RASAL3: variants seen among roughly 807,000 people sequenced by gnomAD.
RASAL3 encodes RAS protein activator like-3.
A neutral mutation model predicts 105.5 loss-of-function variants in RASAL3; 74 were observed. The observed-to-expected ratio is 0.70, with a 90% CI of 0.58 to 0.85. RASAL3 has a LOEUF of 0.85. Ranked by LOEUF, RASAL3 falls within the 40% of genes least tolerant of loss-of-function variation. The pLI is 0.00. For missense variants in RASAL3, 1,352 were observed against 1,392.0 expected, an observed-to-expected ratio of 0.97 and a Z score of 0.46; for synonymous variants, 579 against 591.6, an observed-to-expected ratio of 0.98 and a Z score of 0.31.
Position 15,456,492 on chromosome 19 carries a change from C to A in RASAL3, c.1576+10G>T, listed in dbSNP as rs770495586. On this transcript the variant is annotated intron_variant, in intron 10 of 17. Coordinates refer to ENST00000343625, the MANE Select transcript of RASAL3 (RefSeq NM_022904.3). This position sits in a 1 kb window ranked among gnomAD's most constrained non-coding sequence, Gnocchi z 4.4. ...AGCAGGCCGCTGACATGGACTCTCCCCCAGCTCACCCAGGGTCTCCTGGAG... is the reference window on the plus strand; with the variant it reads ...AGCAGGCCGCTGACATGGACTCTCCACCAGCTCACCCAGGGTCTCCTGGAG... 3 of 1,613,372 alleles carry A rather than the reference C, an allele frequency of 1.9e-6. No individual in the cohort carries two copies. Among genetic ancestry groups the A allele is most frequent in the South Asian group, 1.1e-5 (1 of 90,958 alleles).
At chr19:15,455,956 G>C (rs897507833) in intron 11 of RASAL3, 148 bp downstream of exon 11, 2 of 921,102 alleles carry the variant, frequency 2.2e-6, no homozygotes, top group Non-Finnish European at 3.2e-6. Context: ...TGGTTCAAAT[G>C]AGTAATTTTT....
At position 15,460,219 on chromosome 19, in the gene RASAL3, A is replaced by G. The variant is rs766209977; in HGVS notation, c.646T>C (p.Leu216=). 10 of 1,608,316 alleles carry G rather than the reference A, an allele frequency of 6.2e-6. 1 individual carries two copies. The Admixed American group carries it at 1.0e-4, about 16-fold the overall frequency. Residue 216 remains leucine, a synonymous_variant, in exon 6 of 18, where the codon TTG becomes CTG. Transcript: ENST00000343625. ...KRLKEKKKAR[L]EPRDGPPSAL... ...CACCCTTACCCATCCCGGGGCTCCA[A>G]CCTGGCCTTTTTCTTCTCTTTCAGC...
chr19:15,458,265 T>C (rs1970391971), intron 8 of RASAL3, 63 bp downstream of exon 8: 1 of 1,489,806 alleles, frequency 6.7e-7, no homozygotes, highest in South Asian at 1.2e-5. Context: ...TTGGGTAGAG[T>C]GGAAGGGGCG....
Position 15,464,353 on chromosome 19 carries a change from G to A in RASAL3, c.6C>T (p.Asp2=). The A allele has an allele frequency of 2.6e-6, 4 of 1,560,982 alleles. No homozygotes were observed. The highest frequency in any genetic ancestry group is 3.5e-6 in the Non-Finnish European group (4 of 1,153,764). The change falls in exon 2 of 18, where the codon GAC becomes GAT. Residue 2 remains aspartate, a synonymous_variant. Coordinates refer to ENST00000343625, the MANE Select transcript of RASAL3 (RefSeq NM_022904.3). M[D]PPSPSRTSQT... ...GGGAGGTCCGGCTTGGCGACGGTGG[G>A]TCCATGGTTGGGGGGGGGGGTCTCC...
In RASAL3 at chr19:15,456,121, G is replaced by T. The variant is rs967394057; in HGVS notation, c.1704C>A (p.Thr568=). Residue 568 remains threonine (T), a synonymous_variant, in exon 11 of 18, where the codon ACC becomes ACA. Transcript: ENST00000343625. The surrounding 1 kb of genome is among the most constrained non-coding windows in gnomAD (Gnocchi z 4.4). ...ATTCTCACTCGTAGGAATGGATAAT[G>T]GTTTCGAAGACCTCCTCGCAGCTGT... ...LRNSCEEVFE[T]IIHSYDWFPA... 6.2e-7 allele frequency: 1 copy of T among 1,613,784 alleles called. No individual in the cohort carries two copies. Among genetic ancestry groups the T allele is most frequent in the African/African-American group, 1.3e-5 (1 of 75,014 alleles).
At chr19:15,462,727 C>T (rs985718217) in intron 2 of RASAL3, among the ~76,000 whole-genome samples, 3 of 152,020 alleles carry the variant, frequency 2.0e-5, no homozygotes, top group East Asian at 1.9e-4. Flanking sequence ...CTGAGGCGGG[C>T]GGATCATGAG....
chr19:15,464,018 G>A lies in RASAL3; in HGVS notation c.328+13C>T. Reference sequence around the variant, plus strand: ...CCAGCCCGGCCCAAGCTCAGGGTGGGGGAACCATGTACCTGGGGCCTCCTG... The same window carrying A: ...CCAGCCCGGCCCAAGCTCAGGGTGGAGGAACCATGTACCTGGGGCCTCCTG... On this transcript the variant is annotated intron_variant, in intron 2 of 17. Coordinates refer to ENST00000343625, the MANE Select transcript of RASAL3 (RefSeq NM_022904.3). 4 of 1,534,464 alleles carry A rather than the reference G, an allele frequency of 2.6e-6. No homozygotes were observed. The highest frequency in any genetic ancestry group is 3.5e-6 in the Non-Finnish European group (4 of 1,141,802).
At position 15,456,431 on chromosome 19, in the gene RASAL3, G is replaced by A; in HGVS notation, c.1576+71C>T. 2 of 1,584,260 alleles carry A rather than the reference G, an allele frequency of 1.3e-6. No individual in the cohort carries two copies. The highest frequency in any genetic ancestry group is 8.6e-7 in the Non-Finnish European group (1 of 1,161,874). On this transcript the variant is annotated intron_variant, in intron 10 of 17. Coordinates refer to ENST00000343625, the MANE Select transcript of RASAL3 (RefSeq NM_022904.3). This position sits in a 1 kb window ranked among gnomAD's most constrained non-coding sequence, Gnocchi z 4.4. Reference sequence around the variant, plus strand: ...ACTACCAGAATCCAGGTTGCTCAAGGACTCTTAGAACTTCACCCAGGTCCC... The same window carrying A: ...ACTACCAGAATCCAGGTTGCTCAAGAACTCTTAGAACTTCACCCAGGTCCC...
intron 6 of RASAL3, among the ~76,000 whole-genome samples, chr19:15,459,239 C>CTATTTATTTATTTCTT (rs1970432903): frequency 6.9e-6 from 1 of 144,544 alleles, no homozygotes; most frequent in Non-Finnish European, 1.5e-5. Flanking sequence ...GTGCCCAGCC[C>CTATTTATTTATTTCTT]TATTTATTTA....
Position 15,452,080 on chromosome 19 carries a change from G to T in RASAL3, c.2857C>A (p.Leu953Ile). The T allele has an allele frequency of 1.2e-6, 2 of 1,613,922 alleles. No homozygotes were observed. Among genetic ancestry groups the T allele is most frequent in the Non-Finnish European group, 1.7e-6 (2 of 1,179,858 alleles). Residue 953 changes from leucine (L) to isoleucine (I), a missense_variant, in exon 17 of 18, where the codon CTA (leucine) becomes ATA (isoleucine). Leu to Ile is a conservative substitution (Grantham distance 5). Around this residue, in one of 3 missense-constraint regions of RASAL3, gnomAD observed 920 missense variants for 919.6 expected, o/e 1.00. Transcript: ENST00000343625. ...GSSEFDSEHN[L>I]TSNEGHSLKN... ...AGACTGTGCCCTTCATTGCTTGTTA[G>T]GTTGTGCTCTGAATCAAACTCTGAG...
chr19:15,461,661 G>A, intron 2 of RASAL3, 54 bp from the exon 3 acceptor site: 2 of 1,450,006 alleles, frequency 1.4e-6, no homozygotes, highest in South Asian at 3.1e-5. Flanking sequence ...TCTCCCTCAG[G>A]CTACCCTTTC....
chr19:15,453,054 C>T lies in RASAL3; in HGVS notation c.2670+53G>A, dbSNP rs144989718. 1.7e-4 allele frequency: 271 copies of T among 1,608,016 alleles called. 2 individuals carry two copies. In the African/African-American group the frequency reaches 3.1e-3, roughly 18 times the overall value. ...GACTTGCCTGGCCCTTCAGTCTTCC[C>T]CAGTCGCGTCCCTGTTCCCACTCCC... is the stretch of plus-strand genomic sequence containing the variant. On this transcript the variant is annotated intron_variant, in intron 15 of 17. Coordinates refer to ENST00000343625, the MANE Select transcript of RASAL3 (RefSeq NM_022904.3). The surrounding 1 kb of genome is among the most constrained non-coding windows in gnomAD (Gnocchi z 4.2).
chr19:15,457,608 C>A lies in RASAL3; in HGVS notation c.1115G>T (p.Gly372Val). 1 of 1,355,650 alleles carries A rather than the reference C, an allele frequency of 7.4e-7. No individual in the cohort carries two copies. The highest frequency in any genetic ancestry group is 1.4e-5 in the South Asian group (1 of 70,686). The allele number at this position is 1,355,650 out of a possible 1,614,324, so 84.0% of individuals were successfully genotyped here. The change falls in exon 9 of 18, where the codon GGC (glycine) becomes GTC (valine). Residue 372 changes from glycine to valine, a missense_variant. Gly to Val is a moderately radical substitution (Grantham distance 109). Around this residue, in one of 3 missense-constraint regions of RASAL3, gnomAD observed 920 missense variants for 919.6 expected, o/e 1.00. Transcript: ENST00000343625. This position sits in a 1 kb window ranked among gnomAD's most constrained non-coding sequence, Gnocchi z 8.6. Reference protein sequence around the residue: ...PARRLSLRLRGLGPGSAVLGR... With the variant: ...PARRLSLRLRVLGPGSAVLGR... ...CAGCACCGCGCTTCCCGGGCCCAAG[C>A]CGCGCAGCCGCAGCGACAGGCGACG... is the stretch of plus-strand genomic sequence containing the variant.
At position 15,461,244 on chromosome 19, in the gene RASAL3, A is replaced by G. The variant is rs774472231; in HGVS notation, c.518T>C (p.Val173Ala). The G allele has an allele frequency of 6.2e-7, 1 of 1,613,680 alleles. No individual in the cohort carries two copies. Among genetic ancestry groups the G allele is most frequent in the African/African-American group, 1.3e-5 (1 of 74,848 alleles). ...GSASSEGSIH[V>A]AMGNFRDPDR... ...TGGATCCCTGAAGTTCCCCATGGCC[A>G]CGTGGATGCTGCCCTCGGAGCTAGC... The change falls in exon 4 of 18, where the codon GTG (valine) becomes GCG (alanine). Residue 173 changes from valine (V) to alanine (A), a missense_variant. Coordinates refer to ENST00000343625, the MANE Select transcript of RASAL3 (RefSeq NM_022904.3).
In RASAL3 at chr19:15,464,118, T is replaced by A. The variant is rs1336001968; in HGVS notation, c.241A>T (p.Ser81Cys). Residue 81 changes from serine to cysteine, a missense_variant, in exon 2 of 18, where the codon AGT (serine) becomes TGT (cysteine). Ser to Cys is a moderately radical substitution (Grantham distance 112, BLOSUM62 -1). Coordinates refer to ENST00000343625, the MANE Select transcript of RASAL3 (RefSeq NM_022904.3). Reference sequence around the variant, plus strand: ...AGGGCCTTGGAGAGTCGAAGGCGACTGGTCCGTGACTCCTTGGGAGGCGCA... The same window carrying A: ...AGGGCCTTGGAGAGTCGAAGGCGACAGGTCCGTGACTCCTTGGGAGGCGCA... ...LSAPPKESRTSRLRLSKALWG... is the reference protein window; with the variant it reads ...LSAPPKESRTCRLRLSKALWG... 1 of 1,613,292 alleles carries A rather than the reference T, an allele frequency of 6.2e-7. No individual in the cohort carries two copies. The highest frequency in any genetic ancestry group is 2.2e-5 in the East Asian group (1 of 44,868).
At position 15,453,144 on chromosome 19, in the gene RASAL3, C is replaced by T; in HGVS notation, c.2633G>A (p.Arg878Gln). 2 of 1,613,680 alleles carry T rather than the reference C, an allele frequency of 1.2e-6. No homozygotes were observed. Among genetic ancestry groups the T allele is most frequent in the East Asian group, 2.2e-5 (1 of 44,866 alleles). Residue 878 changes from arginine to glutamine, a missense_variant, in exon 15 of 18, where the codon CGA (arginine) becomes CAA (glutamine). Arg to Gln is a conservative substitution (Grantham distance 43, BLOSUM62 1). Transcript: ENST00000343625. The surrounding 1 kb of genome is among the most constrained non-coding windows in gnomAD (Gnocchi z 4.2). The part of the protein sequence containing the change: ...WQRQMDQPQD[R>Q]NQALGTHRPV... ...TCGGTGCGTGCCCAGTGCCTGGTTT[C>T]GGTCTTGCGGCTGGTCCATTTGGCG... is the stretch of plus-strand genomic sequence containing the variant.
At position 15,454,443 on chromosome 19, in the gene RASAL3, C is replaced by T. The variant is rs566779173; in HGVS notation, c.2078G>A (p.Gly693Asp). Residue 693 changes from glycine (G) to aspartate (D), a missense_variant, in exon 13 of 18, where the codon GGT becomes GAT. This residue lies in a region of RASAL3 where 920 missense variants were observed against 919.6 expected (regional missense o/e 1.00). Transcript: ENST00000343625. Reference sequence around the variant, plus strand: ...GGCCAGATCACCACTGCCCTGGTAACCACTGGGGGCAGCATCCACATCCAC... The same window carrying T: ...GGCCAGATCACCACTGCCCTGGTAATCACTGGGGGCAGCATCCACATCCAC... ...AMVDVDAAPS[G>D]YQGSGDLALQ... 6 of 1,614,000 alleles carry T rather than the reference C, an allele frequency of 3.7e-6. No homozygotes were observed. Among genetic ancestry groups the T allele is most frequent in the South Asian group, 2.2e-5 (2 of 91,086 alleles).
intron 5 of RASAL3, 63 bp from the exon 6 acceptor site, chr19:15,460,321 C>T: frequency 6.7e-7 from 1 of 1,483,918 alleles, no homozygotes; most frequent in Non-Finnish European, 9.2e-7. Context: ...CCTTCCCTCC[C>T]AAGACATCCC....
rs1246597213 is a variant in RASAL3 at position 15,457,831 on chromosome 19, T to C, written c.892A>G (p.Asn298Asp). 2 of 1,548,646 alleles carry C rather than the reference T, an allele frequency of 1.3e-6. No homozygotes were observed. The highest frequency in any genetic ancestry group is 2.0e-5 in the Admixed American group (1 of 50,998). The stretch of plus-strand genomic sequence containing the variant: ...AGCCATGTCTCTTCCCGCTCCACGT[T>C]GTCCTGCAGATGGGAGTGGGATGGG... ...LRRQFQPTQDNVEREETWLSV... is the reference protein window; with the variant it reads ...LRRQFQPTQDDVEREETWLSV... Residue 298 changes from asparagine (N) to aspartate (D), a missense_variant, in exon 9 of 18, where the codon AAC becomes GAC. Transcript: ENST00000343625. This position sits in a 1 kb window ranked among gnomAD's most constrained non-coding sequence, Gnocchi z 8.6.
Sources: gnomAD v4.1 joint callset for allele counts (sites outside exome capture counted in the v4.1 genomes callset) on GRCh38, gnomAD v4.1.1 for gene constraint, gnomAD v4.1.1 regional missense constraint, Gnocchi (gnomAD v3.1) non-coding constraint, MANE v1.5 for transcripts, NCBI Gene and HGNC (gene_info 2026-07-23, HGNC 2026-07-21) for gene names.